CD99: variants seen among roughly 807,000 people sequenced by gnomAD.
CD99 encodes the protein CD99 antigen.
A neutral mutation model predicts 28.4 loss-of-function variants in CD99; 19 were observed. The observed-to-expected ratio is 0.67, with a 90% confidence interval of 0.47 to 0.98. CD99 has a LOEUF of 0.98. CD99 is among the 50% of genes least tolerant of loss of function. The pLI is 0.00. For synonymous variants in CD99, 103 were observed against 92.1 expected (o/e 1.12, Z -0.67); for missense variants, 283 against 248.8 (o/e 1.14, Z -0.92).
intron 1 of CD99, among the ~76,000 whole-genome samples, chrX:2,694,002 G>A (rs1446674855): frequency 6.6e-6 from 1 of 152,166 alleles, no homozygotes; most frequent in Non-Finnish European, 1.5e-5. Context: ...GTGGTGTTGA[G>A]GGTGGAAAAC....
At chrX:2,714,753 AGTCTGGCTTG>A in intron 2 of CD99, 2 of 312,048 alleles carry the variant, frequency 6.4e-6, no homozygotes. Context: ...TGATGCCGAG[AGTCTGGCTTG>A]CCACAGGGTT....
chrX:2,705,356 ACT>A (rs1208569715), intron 1 of CD99, among the ~76,000 whole-genome samples: 1 of 151,988 alleles, frequency 6.6e-6, no homozygotes, highest in Non-Finnish European at 1.5e-5. Flanking sequence ...AGACTATGAC[ACT>A]CTGGTGTATT....
In CD99 at chrX:2,741,118, A is replaced by AC. The variant is rs201237930; in HGVS notation, c.*321dup. The AC allele has an allele frequency of 0.11, 42,392 of 389,730 alleles. 2,429 individuals carry two copies. The highest frequency in any genetic ancestry group is 0.16 in the African/African-American group (7,977 of 48,838). The allele number at this position is 389,730 out of a possible 1,614,324, so 24.1% of individuals were successfully genotyped here. A position where few individuals can be genotyped will look rare whatever the true frequency, so the allele number is the denominator to read the frequency against. Reference sequence around the variant, plus strand: ...ACTCAAATGTCAACCCCACCGAGGCACCCCCCCGTCCCCCAGAATCTTGGC... The same window carrying AC: ...ACTCAAATGTCAACCCCACCGAGGCACCCCCCCCGTCCCCCAGAATCTTGGC... On this transcript the variant is annotated 3_prime_UTR_variant, in exon 10 of 10. Coordinates refer to ENST00000381192, the MANE Select transcript of CD99 (RefSeq NM_002414.5).
At chrX:2,720,526 G>A in intron 5 of CD99, 102 bp downstream of exon 5, 1 of 1,051,048 alleles carries the variant, frequency 9.5e-7, no homozygotes, top group Non-Finnish European at 1.5e-6. Flanking sequence ...TGTGCTTACT[G>A]TTGACTGCCT....
intron 8 of CD99, among the ~76,000 whole-genome samples, chrX:2,737,327 G>A (rs1185511475): frequency 6.6e-6 from 1 of 150,932 alleles, no homozygotes. Flanking sequence ...ACAGGTGCAC[G>A]CCACCACGCC....
Position 2,740,798 on chromosome X carries a change from G to C in CD99, c.552G>C (p.Glu184Asp), listed in dbSNP as rs2050158353. The C allele has an allele frequency of 6.2e-7, 1 of 1,613,956 alleles. No homozygotes were observed. Among genetic ancestry groups the C allele is most frequent in the Non-Finnish European group, 8.5e-7 (1 of 1,179,860 alleles). ...CCACAGTTCAGCGTACTCTTTTAGAGAAATAGAAGATTGTCGGCAGAAACA... is the reference window on the plus strand; with the variant it reads ...CCACAGTTCAGCGTACTCTTTTAGACAAATAGAAGATTGTCGGCAGAAACA... ...AEPAVQRTLL[E>D]K The change falls in exon 10 of 10, where the codon GAG becomes GAC. Residue 184 changes from glutamate (E) to aspartate (D), a missense_variant. Physicochemically the swap from Glu to Asp is conservative, Grantham distance 45. Coordinates refer to ENST00000381192, the MANE Select transcript of CD99 (RefSeq NM_002414.5).
At chrX:2,719,429 C>T (rs750503979) in intron 3 of CD99, 1 of 566,306 alleles carries the variant, frequency 1.8e-6, no homozygotes, top group Admixed American at 3.3e-5. Context: ...GAGCTTCTCT[C>T]CTAGCTTTTT....
chrX:2,702,786 T>A (rs2047924260), intron 1 of CD99, among the ~76,000 whole-genome samples: 1 of 152,064 alleles, frequency 6.6e-6, no homozygotes, highest in Non-Finnish European at 1.5e-5. Context: ...TGAACTTTTT[T>A]TTTTTATTTT....
intron 1 of CD99, among the ~76,000 whole-genome samples, chrX:2,713,179 A>G (rs923432372): frequency 1.3e-5 from 2 of 151,926 alleles, no homozygotes; most frequent in African/African-American, 4.8e-5. Context: ...TGCACACATA[A>G]CACCTACACA....
intron 6 of CD99, 55 bp downstream of exon 6, chrX:2,722,729 T>G (rs2049056408): frequency 1.3e-6 from 2 of 1,522,100 alleles, no homozygotes; most frequent in Non-Finnish European, 1.8e-6. Context: ...GATGCCCACC[T>G]GCTCTGTAGA....
intron 8 of CD99, chrX:2,727,301 G>A (rs754609774): frequency 9.0e-6 from 7 of 779,240 alleles, no homozygotes; most frequent in Non-Finnish European, 1.7e-5. Flanking sequence ...AGGTCAGCTG[G>A]CAGGCTCTTT....
chrX:2,728,472 A>G (rs545428855), intron 8 of CD99, among the ~76,000 whole-genome samples: 28 of 152,174 alleles, frequency 1.8e-4, no homozygotes, highest in African/African-American at 6.0e-4. Context: ...TTGGGATTGC[A>G]GGCGTGAGCC....
intron 1 of CD99, chrX:2,691,855 C>G: frequency 2.6e-6 from 2 of 778,710 alleles, no homozygotes; most frequent in Non-Finnish European, 4.8e-6. Context: ...ACAGCCACGC[C>G]CTGCGTCCCG....
intron 1 of CD99, among the ~76,000 whole-genome samples, chrX:2,711,693 A>G (rs968804067): frequency 6.6e-6 from 1 of 152,166 alleles, no homozygotes; most frequent in African/African-American, 2.4e-5. Flanking sequence ...AAGCTATTAA[A>G]TGAACAAAGA....
At chrX:2,717,911 GTTAC>G in intron 3 of CD99, 1 of 423,042 alleles carries the variant, frequency 2.4e-6, no homozygotes, top group Non-Finnish European at 4.2e-6. Context: ...AAGGGTCTGA[GTTAC>G]TCTGTCTTTA....
At position 2,691,418 on chromosome X, in the gene CD99, G is replaced by C; in HGVS notation, c.58G>C (p.Ala20Pro). The stretch of plus-strand genomic sequence containing the variant: ...CTTCGGCCTGCTGGGTGTTCTGGTC[G>C]CCGCCCCGGGTGAGCGAGCGGAGGG... The part of the protein sequence containing the change: ...LLFGLLGVLV[A>P]APDGGFDLSD... The change falls in exon 1 of 10, where the codon GCC becomes CCC. Residue 20 changes from alanine (A) to proline (P), a missense_variant. Coordinates refer to ENST00000381192, the MANE Select transcript of CD99 (RefSeq NM_002414.5). 6.3e-7 allele frequency: 1 copy of C among 1,583,498 alleles called. No homozygotes were observed. Among genetic ancestry groups the C allele is most frequent in the South Asian group, 1.1e-5 (1 of 88,852 alleles).
intron 8 of CD99, among the ~76,000 whole-genome samples, chrX:2,731,588 CAAAAAAG>C (rs2049610749): frequency 6.6e-6 from 1 of 151,590 alleles, no homozygotes; most frequent in African/African-American, 2.4e-5. Context: ...GACTTTGTCT[CAAAAAAG>C]AAAAAAGAAA....
chrX:2,701,819 G>A (rs1170650948), intron 1 of CD99, among the ~76,000 whole-genome samples: 2 of 152,218 alleles, frequency 1.3e-5, no homozygotes, highest in Non-Finnish European at 2.9e-5. Flanking sequence ...AGGGGCTGGG[G>A]CTATTTTTGG....
intron 3 of CD99, among the ~76,000 whole-genome samples, chrX:2,718,616 G>T (rs1275131555): frequency 1.3e-5 from 2 of 151,494 alleles, no homozygotes; most frequent in African/African-American, 4.8e-5. Context: ...TGATCCACGC[G>T]CCTTGGCCTC....
Sources: allele counts gnomAD v4.1 joint callset (sites outside exome capture counted in the v4.1 genomes callset), GRCh38; gene constraint gnomAD v4.1.1; transcripts MANE v1.5; gene names NCBI Gene and HGNC (gene_info 2026-07-23, HGNC 2026-07-21).